The following MACROD2 variants were observed in gnomAD, a reference collection of about 807,000 sequenced individuals.
MACROD2 encodes the protein ADP-ribose glycohydrolase MACROD2.
MACROD2 carries 36 observed loss-of-function variants against 70.4 expected under a neutral mutation model. That is an observed-to-expected ratio of 0.51 (90% CI 0.39 to 0.68). MACROD2 has a LOEUF of 0.68. MACROD2 is among the 30% of genes least tolerant of loss of function. The pLI is 0.00. For missense variants in MACROD2, 496 were observed against 538.4 expected (o/e 0.92, Z 0.78); for synonymous variants, 172 against 178.8 (o/e 0.96, Z 0.30).
chr20:14,530,385 G>A (rs2085288043), intron 4 of MACROD2, among the ~76,000 whole-genome samples: 1 of 152,192 alleles, frequency 6.6e-6, no homozygotes, highest in African/African-American at 2.4e-5. Flanking sequence ...GCAAAGGGAT[G>A]GAGATTTGTT....
intron 5 of MACROD2, among the ~76,000 whole-genome samples, chr20:15,073,466 A>AACACACAC (rs11468103): frequency 1.5e-3 from 215 of 144,044 alleles, no homozygotes; most frequent in Admixed American, 6.1e-3. Flanking sequence ...TAATTCTCCC[A>AACACACAC]ACACACACAC....
At chr20:15,508,020 T>C (rs918191444) in intron 8 of MACROD2, among the ~76,000 whole-genome samples, 2 of 152,206 alleles carry the variant, frequency 1.3e-5, no homozygotes, top group Admixed American at 6.5e-5. Flanking sequence ...CTTACTCTGG[T>C]GGGGAGCTCA....
At chr20:15,806,125 A>C (rs2063767179) in intron 8 of MACROD2, among the ~76,000 whole-genome samples, 2 of 152,174 alleles carry the variant, frequency 1.3e-5, no homozygotes, top group Non-Finnish European at 2.9e-5. Context: ...AAAATTACTT[A>C]TCTCTCTTTT....
chr20:14,794,041 A>T (rs1442868989), intron 5 of MACROD2, among the ~76,000 whole-genome samples: 1 of 152,070 alleles, frequency 6.6e-6, no homozygotes, highest in Non-Finnish European at 1.5e-5. Flanking sequence ...AGCATCACAG[A>T]GCCAGGAATA....
intron 4 of MACROD2, among the ~76,000 whole-genome samples, chr20:14,638,009 T>C (rs1984874169): frequency 6.6e-6 from 1 of 152,148 alleles, no homozygotes; most frequent in African/African-American, 2.4e-5. Flanking sequence ...GTCTGAATTA[T>C]GATTTTTTTT....
At chr20:14,657,974 A>T (rs1255233318) in intron 4 of MACROD2, among the ~76,000 whole-genome samples, 5 of 116,456 alleles carry the variant, frequency 4.3e-5, no homozygotes, top group East Asian at 2.1e-4. Context: ...GGACATAGTT[A>T]AAAAAAAAAA....
chr20:15,811,684 C>G (rs1439986474), intron 8 of MACROD2, among the ~76,000 whole-genome samples: 1 of 151,690 alleles, frequency 6.6e-6, no homozygotes, highest in African/African-American at 2.4e-5. Context: ...TAAATGCTGG[C>G]TGACTGGATG....
intron 5 of MACROD2, among the ~76,000 whole-genome samples, chr20:14,699,894 A>G (rs552857643): frequency 7.1e-6 from 1 of 140,978 alleles, no homozygotes; most frequent in Non-Finnish European, 1.5e-5. Context: ...AGAAGTTTAA[A>G]GTTTAAACTT....
chr20:14,467,556 C>G (rs569747235), intron 3 of MACROD2, among the ~76,000 whole-genome samples: 2 of 152,084 alleles, frequency 1.3e-5, no homozygotes, highest in South Asian at 2.1e-4. Context: ...CACCCACTGT[C>G]TGGCACTCCC....
chr20:15,192,067 A>AT (rs2076576342), intron 5 of MACROD2, among the ~76,000 whole-genome samples: 1 of 134,252 alleles, frequency 7.4e-6, no homozygotes. Flanking sequence ...TCTATCTAAA[A>AT]CTCTCTCTCT....
At chr20:15,699,687 G>T (rs1422354141) in intron 8 of MACROD2, among the ~76,000 whole-genome samples, 1 of 152,162 alleles carries the variant, frequency 6.6e-6, no homozygotes. Flanking sequence ...TCCCAGCTGC[G>T]AAAGAAAGGG....
chr20:14,255,666 C>T (rs1411259988), intron 3 of MACROD2, among the ~76,000 whole-genome samples: 3 of 148,050 alleles, frequency 2.0e-5, no homozygotes, highest in African/African-American at 7.6e-5. Flanking sequence ...GCACATGTAC[C>T]CTAATACTTA....
intron 8 of MACROD2, among the ~76,000 whole-genome samples, chr20:15,861,326 A>G (rs6079993): frequency 0.75 from 114,363 of 152,098 alleles, 43,603 homozygotes; most frequent in East Asian, 0.86. Context: ...AGCATTCACT[A>G]TTGCACAGTT....
chr20:15,165,323 G>T (rs2076376416), intron 5 of MACROD2, among the ~76,000 whole-genome samples: 1 of 152,170 alleles, frequency 6.6e-6, no homozygotes, highest in African/African-American at 2.4e-5. Flanking sequence ...AGGTGTTGTG[G>T]TGTGCAGTTG....
chr20:15,669,735 C>T (rs978698677), intron 8 of MACROD2, among the ~76,000 whole-genome samples: 2 of 152,182 alleles, frequency 1.3e-5, no homozygotes, highest in Non-Finnish European at 2.9e-5. Context: ...TTGCCAAAGC[C>T]GAGGTAATGT....
At chr20:14,406,871 T>G (rs1447358177) in intron 3 of MACROD2, among the ~76,000 whole-genome samples, 1 of 152,212 alleles carries the variant, frequency 6.6e-6, no homozygotes, top group Non-Finnish European at 1.5e-5. Context: ...AAATTAAGTT[T>G]CATTTCTTTG....
chr20:14,680,564 T>G (rs1313049435), intron 4 of MACROD2, among the ~76,000 whole-genome samples: 1 of 152,166 alleles, frequency 6.6e-6, no homozygotes, highest in Non-Finnish European at 1.5e-5. Context: ...GATAATAGAA[T>G]CTTCTAAGAT....
At chr20:14,271,501 C>T (rs2082195501) in intron 3 of MACROD2, among the ~76,000 whole-genome samples, 1 of 152,132 alleles carries the variant, frequency 6.6e-6, no homozygotes, top group African/African-American at 2.4e-5. Flanking sequence ...TGCACATCAC[C>T]ATCGTCAAAG....
At chr20:15,661,179 C>G (rs1178744904) in intron 8 of MACROD2, among the ~76,000 whole-genome samples, 1 of 152,054 alleles carries the variant, frequency 6.6e-6, no homozygotes, top group African/African-American at 2.4e-5. Context: ...GGGGGTAAGG[C>G]AACTACTCAA....
Sources: allele counts gnomAD v4.1 joint callset (sites outside exome capture counted in the v4.1 genomes callset), GRCh38; gene constraint gnomAD v4.1.1; transcripts MANE v1.5; gene names NCBI Gene and HGNC (gene_info 2026-07-23, HGNC 2026-07-21).